Variants in CCDC73 observed in about 807,000 individuals in gnomAD.
CCDC73 encodes coiled-coil domain-containing protein 73.
Under a neutral mutation model 116.5 loss-of-function variants are expected in CCDC73, and 95 were observed. The ratio of observed to expected loss-of-function variants is 0.82; its 90% CI spans 0.69 to 0.97. The LOEUF is 0.97. CCDC73 is among the 50% of genes least tolerant of loss of function. CCDC73 has a pLI of 0.00. For missense variants in CCDC73, 1,066 were observed against 1,206.8 expected, an observed-to-expected ratio of 0.88 and a Z score of 1.73; for synonymous variants, 398 against 401.3, an observed-to-expected ratio of 0.99 and a Z score of 0.10.
At chr11:32,633,041 C>A (rs948140453) in intron 14 of CCDC73, among the ~76,000 whole-genome samples, 5 of 152,026 alleles carry the variant, frequency 3.3e-5, no homozygotes, top group African/African-American at 1.2e-4. Flanking sequence ...TGAATGAAAT[C>A]AAAACCTGTT....
At chr11:32,707,176 T>C (rs1042551880) in intron 3 of CCDC73, among the ~76,000 whole-genome samples, 2 of 152,086 alleles carry the variant, frequency 1.3e-5, no homozygotes, top group Admixed American at 6.5e-5. Flanking sequence ...AGATGAGTCA[T>C]ACCTTATGAA....
chr11:32,742,726 T>C (rs1049167518), intron 2 of CCDC73, among the ~76,000 whole-genome samples: 1 of 152,250 alleles, frequency 6.6e-6, no homozygotes, highest in Non-Finnish European at 1.5e-5. Context: ...ATAAAGTCTT[T>C]GCCCACGCCT....
At chr11:32,695,830 T>C (rs1856306212) in intron 6 of CCDC73, among the ~76,000 whole-genome samples, 1 of 151,166 alleles carries the variant, frequency 6.6e-6, no homozygotes, top group African/African-American at 2.4e-5. Flanking sequence ...TTTTTTTTTG[T>C]TTTTGTTTTT....
At chr11:32,776,936 A>ATATATATATATATATAT (rs1554970184) in intron 1 of CCDC73, among the ~76,000 whole-genome samples, 1 of 36,472 alleles carries the variant, frequency 2.7e-5, no homozygotes, top group South Asian at 7.1e-4. Context: ...AAAAAAAAAA[A>ATATATATATATATATAT]ATATATATAT....
chr11:32,788,720 C>T (rs1198365479), intron 1 of CCDC73, among the ~76,000 whole-genome samples: 2 of 152,164 alleles, frequency 1.3e-5, no homozygotes, highest in Non-Finnish European at 1.5e-5. Flanking sequence ...CCCACCTCAG[C>T]CTCCCAAAGT....
intron 6 of CCDC73, among the ~76,000 whole-genome samples, chr11:32,697,300 A>G (rs1283978527): frequency 6.9e-6 from 1 of 145,848 alleles, no homozygotes; most frequent in African/African-American, 2.5e-5. Flanking sequence ...TTATATGATC[A>G]TAATATTATA....
In CCDC73 at chr11:32,698,010, A is replaced by ATTTTTTTTTTTTTTTTT. The variant is rs1849771437; in HGVS notation, c.390+1240_390+1241insAAAAAAAAAAAAAAAAA. ...TCTGTTGTTTCTTTGTCTAACACTG[A>ATTTTTTTTTTTTTTTTT]ATTTTTTTTTTTTTTTTTTTTTTTT... On this transcript the variant is annotated intron_variant, in intron 6 of 17. Coordinates refer to ENST00000335185, the MANE Select transcript of CCDC73 (RefSeq NM_001008391.4). Among the ~76,000 whole-genome samples, 6 of 117,758 alleles carry ATTTTTTTTTTTTTTTTT rather than the reference A, an allele frequency of 5.1e-5. 3 individuals carry two copies. Among genetic ancestry groups the ATTTTTTTTTTTTTTTTT allele is most frequent in the Non-Finnish European group, 6.9e-5 (4 of 58,050 alleles). The allele number at this position is 117,758 out of a possible 152,430, so 77.3% of individuals were successfully genotyped here.
chr11:32,684,636 C>T (rs905157463), intron 6 of CCDC73, among the ~76,000 whole-genome samples: 1 of 151,988 alleles, frequency 6.6e-6, no homozygotes, highest in Admixed American at 6.6e-5. Context: ...TAAAGTTATT[C>T]TTTTTATTAG....
chr11:32,687,616 AGATT>A (rs34443187), intron 6 of CCDC73, among the ~76,000 whole-genome samples: 40,984 of 151,928 alleles, frequency 0.27, 6,359 homozygotes, highest in East Asian at 0.79. Context: ...ATACATACAT[AGATT>A]GATATAAAAA....
the CCDC73 span, among the ~76,000 whole-genome samples, chr11:32,828,683 T>C: frequency 6.6e-6 from 1 of 152,178 alleles, no homozygotes; most frequent in African/African-American, 2.4e-5. Context: ...ACCTGCTGCC[T>C]TCATTACTTG....
intron 9 of CCDC73, among the ~76,000 whole-genome samples, chr11:32,673,915 T>C (rs1323961982): frequency 1.3e-5 from 2 of 152,196 alleles, no homozygotes; most frequent in Non-Finnish European, 2.9e-5. Flanking sequence ...GAGAGTATCA[T>C]GTAGATTACG....
intron 4 of CCDC73, among the ~76,000 whole-genome samples, chr11:32,701,151 C>T (rs1364164291): frequency 3.3e-5 from 5 of 152,136 alleles, no homozygotes; most frequent in African/African-American, 1.2e-4. Flanking sequence ...CCACCACACC[C>T]AGTTCAAAAT....
At position 32,718,104 on chromosome 11, in the gene CCDC73, A is replaced by C. The variant is rs999830121; in HGVS notation, c.179T>G (p.Val60Gly). The part of the protein sequence containing the change: ...HYEEQIGKII[V>G]ETQELKWQKE... The stretch of plus-strand genomic sequence containing the variant: ...TTGCCATTTAAGTTCCTGTGTCTCC[A>C]CAATAATTTTACCAATCTGCTCTTC... Residue 60 changes from valine (V) to glycine (G), a missense_variant, in exon 3 of 18, where the codon GTG becomes GGG. By Grantham distance (109) the Val-to-Gly change is moderately radical (BLOSUM62 -3). Transcript: ENST00000335185. 2.5e-6 allele frequency: 4 copies of C among 1,608,872 alleles called. No homozygotes were observed. The highest frequency in any genetic ancestry group is 1.3e-5 in the African/African-American group (1 of 74,734).
chr11:32,795,089 GGA>G (rs1175115817), upstream of CCDC73, among the ~76,000 whole-genome samples: 1 of 152,144 alleles, frequency 6.6e-6, no homozygotes, highest in African/African-American at 2.4e-5. Context: ...GATGGGAACG[GGA>G]GAGAGAGGGA....
chr11:32,629,009 C>T (rs1434004657), intron 14 of CCDC73, among the ~76,000 whole-genome samples: 1 of 151,608 alleles, frequency 6.6e-6, no homozygotes, highest in East Asian at 1.9e-4. Context: ...ATGAAATTTA[C>T]AGTAAATAAA....
chr11:32,775,568 TC>T (rs1226696226), intron 1 of CCDC73, among the ~76,000 whole-genome samples: 2 of 152,178 alleles, frequency 1.3e-5, no homozygotes, highest in African/African-American at 2.4e-5. Flanking sequence ...CCATGCTGTG[TC>T]TTCAGCACCT....
intron 13 of CCDC73, among the ~76,000 whole-genome samples, chr11:32,637,094 A>G (rs540023697): frequency 7.6e-6 from 1 of 131,620 alleles, no homozygotes; most frequent in South Asian, 2.3e-4. Context: ...ATCTTGGCTC[A>G]CTGCAACCTC....
intron 9 of CCDC73, among the ~76,000 whole-genome samples, chr11:32,673,839 C>T (rs1410610126): frequency 6.6e-6 from 1 of 152,170 alleles, no homozygotes; most frequent in Non-Finnish European, 1.5e-5. Context: ...TGACTAGCAG[C>T]ACTGTAGCTG....
In CCDC73 at chr11:32,676,841, T is replaced by A. The variant is rs117391048; in HGVS notation, c.430-820A>T. 1.6e-4 allele frequency among the ~76,000 whole-genome samples: 24 copies of A among 152,314 alleles called. No homozygotes were observed. In the East Asian group the frequency reaches 4.6e-3, roughly 29 times the overall value. ...ATCTCTCAGTGACAGGGAGGCAACA[T>A]ATGATAGTAGATAGTCTACTTAAAC... On this transcript the variant is annotated intron_variant, in intron 7 of 17. Coordinates refer to ENST00000335185, the MANE Select transcript of CCDC73 (RefSeq NM_001008391.4).
Sources: gnomAD v4.1 joint callset for allele counts (sites outside exome capture counted in the v4.1 genomes callset) on GRCh38, gnomAD v4.1.1 for gene constraint, MANE v1.5 for transcripts, NCBI Gene and HGNC (gene_info 2026-07-23, HGNC 2026-07-21) for gene names.